PDE9A: variants seen among roughly 807,000 people sequenced by gnomAD.
The protein encoded by PDE9A is high affinity cGMP-specific 3',5'-cyclic phosphodiesterase 9A.
PDE9A carries 60 observed loss-of-function variants against 87.4 expected under a neutral mutation model. The observed-to-expected ratio is 0.69, with a 90% confidence interval of 0.56 to 0.85. The LOEUF (loss-of-function observed/expected upper bound fraction) is 0.85, where lower values mean the gene tolerates loss of function less well. Among genes scored for constraint, PDE9A ranks in the 40% least tolerant of loss-of-function variants. PDE9A has a pLI of 0.00. For synonymous variants in PDE9A, 272 were observed against 279.4 expected (o/e 0.97, Z 0.27); for missense variants, 665 against 779.0 (o/e 0.85, Z 1.74).
chr21:42,730,461 C>T (rs569779334), intron 4 of PDE9A, among the ~76,000 whole-genome samples: 3 of 151,320 alleles, frequency 2.0e-5, no homozygotes, highest in Non-Finnish European at 2.9e-5. Flanking sequence ...AATTAATATA[C>T]GTTAATTATA....
At chr21:42,698,871 C>T (rs1222885810) in intron 3 of PDE9A, 97 bp from the exon 4 acceptor site, 4 of 691,876 alleles carry the variant, frequency 5.8e-6, no homozygotes, top group African/African-American at 3.7e-5. Flanking sequence ...CCACCTAATC[C>T]GCTGATTTCT....
At chr21:42,682,599 C>T (rs546753953) in intron 1 of PDE9A, among the ~76,000 whole-genome samples, 4 of 152,324 alleles carry the variant, frequency 2.6e-5, no homozygotes, top group East Asian at 1.9e-4. Flanking sequence ...CAGATTTCAC[C>T]GGCAGTACTT....
rs759156205 is a variant in PDE9A, at chr21:42,759,566, T to TG, written c.897+486dup. The stretch of plus-strand genomic sequence containing the variant: ...TGAGTGTGGGGTGTGGGTGTGAGCA[T>TG]GGGGGTATCTGAGTTTACGGGTGGG... On this transcript the variant is annotated intron_variant, in intron 11 of 19. Transcript: ENST00000291539. This position sits in a 1 kb window ranked among gnomAD's most constrained non-coding sequence, Gnocchi z 7.2. Among the ~76,000 whole-genome samples the TG allele has an allele frequency of 6.8e-6, 1 of 147,200 alleles. No individual in the cohort carries two copies. The highest frequency in any genetic ancestry group is 2.2e-4 in the South Asian group (1 of 4,604).
At chr21:42,667,129 C>T (rs2269135) in intron 1 of PDE9A, among the ~76,000 whole-genome samples, 11,021 of 152,170 alleles carry the variant, frequency 0.072, 728 homozygotes, top group East Asian at 0.31. Context: ...GCTGGCGAAA[C>T]AGCAAACAAC....
intron 1 of PDE9A, among the ~76,000 whole-genome samples, chr21:42,661,948 G>A (rs1200561304): frequency 6.6e-6 from 1 of 152,104 alleles, no homozygotes; most frequent in Non-Finnish European, 1.5e-5. Context: ...GGTGGAGAGC[G>A]CAGATGGGGC....
chr21:42,693,657 A>G (rs1207301975), intron 3 of PDE9A, among the ~76,000 whole-genome samples: 1 of 136,238 alleles, frequency 7.3e-6, no homozygotes, highest in Non-Finnish European at 1.5e-5. Context: ...CAATGGTGTG[A>G]TCTCAGCTCA....
intron 15 of PDE9A, among the ~76,000 whole-genome samples, chr21:42,766,549 G>A (rs964867695): frequency 6.6e-6 from 1 of 152,180 alleles, no homozygotes; most frequent in African/African-American, 2.4e-5. Context: ...AGTCCCAGTA[G>A]GTAGAGTCAT....
rs953375097 is a variant in PDE9A at position 42,675,120 on chromosome 21, AGT to A, written c.70-11065_70-11064del. On this transcript the variant is annotated intron_variant, in intron 1 of 19. Transcript: ENST00000291539. The surrounding 1 kb of genome is among the most constrained non-coding windows in gnomAD (Gnocchi z 4.3). ...GTTTAGGAGTGTGTAAGTGCGTGTA[AGT>A]GTGTGTCTGGCTTTCTTTCACATAA... Among the ~76,000 whole-genome samples, 1 of 152,186 alleles carries A rather than the reference AGT, an allele frequency of 6.6e-6. No individual in the cohort carries two copies. Among genetic ancestry groups the A allele is most frequent in the South Asian group, 2.1e-4 (1 of 4,834 alleles).
intron 1 of PDE9A, among the ~76,000 whole-genome samples, chr21:42,677,375 G>C (rs2058905104): frequency 6.6e-6 from 1 of 152,284 alleles, no homozygotes; most frequent in Middle Eastern, 3.4e-3. Context: ...GTTTTTTAAT[G>C]ATTTTGAAAG....
intron 1 of PDE9A, among the ~76,000 whole-genome samples, chr21:42,663,714 G>A (rs377507261): frequency 1.2e-4 from 18 of 152,278 alleles, no homozygotes; most frequent in African/African-American, 4.3e-4. Flanking sequence ...GACCAGCACT[G>A]TGTGACCAGC....
At chr21:42,720,777 G>T (rs1822920859) in intron 4 of PDE9A, among the ~76,000 whole-genome samples, 1 of 152,008 alleles carries the variant, frequency 6.6e-6, no homozygotes, top group South Asian at 2.1e-4. Context: ...AGGCCGAGGT[G>T]GGCGGATCAC....
rs375626555 is a variant in PDE9A at position 42,658,238 on chromosome 21, A to G, written c.69+4355A>G. On this transcript the variant is annotated intron_variant, in intron 1 of 19. Transcript: ENST00000291539. ...CCCCAGAGCTGTGCCTTTTTGGCTC[A>G]GGTCCTCCCCGCAGTGCTTGGAGTC... Among the ~76,000 whole-genome samples, 129 of 152,276 alleles carry G rather than the reference A, an allele frequency of 8.5e-4. 1 individual carries two copies. The highest frequency in any genetic ancestry group is 5.4e-3 in the South Asian group (26 of 4,826).
chr21:42,773,030 G>T (rs2057155950), intron 19 of PDE9A, among the ~76,000 whole-genome samples: 1 of 151,468 alleles, frequency 6.6e-6, no homozygotes, highest in Non-Finnish European at 1.5e-5. Context: ...GGAGGCCAAG[G>T]TGGGCGGATC....
Position 42,686,272 on chromosome 21 carries a change from C to T in PDE9A, c.140+10C>T, listed in dbSNP as rs748972186. The T allele has an allele frequency of 1.9e-5, 31 of 1,610,544 alleles. No individual in the cohort carries two copies. Among genetic ancestry groups the T allele is most frequent in the Non-Finnish European group, 2.6e-5 (31 of 1,176,940 alleles). ...CCACCGGCCTGCCTCGGTGAGTGCGCGCTGCGGGCTCTGCCCGGTGACGCC... is the reference window on the plus strand; with the variant it reads ...CCACCGGCCTGCCTCGGTGAGTGCGTGCTGCGGGCTCTGCCCGGTGACGCC... On this transcript the variant is annotated intron_variant, in intron 2 of 19. Transcript: ENST00000291539.
chr21:42,697,326 C>T (rs2060195793), intron 3 of PDE9A: 2 of 771,694 alleles, frequency 2.6e-6, no homozygotes, highest in Non-Finnish European at 4.6e-6. Context: ...TTACCTGTAA[C>T]CATCAAACCA....
At position 42,692,405 on chromosome 21, in the gene PDE9A, G is replaced by A. The variant is rs146633484; in HGVS notation, c.218+4411G>A. Among the ~76,000 whole-genome samples the A allele has an allele frequency of 9.1e-4, 139 of 152,306 alleles. 2 individuals are homozygous for A. In the East Asian group the frequency reaches 0.023, roughly 26 times the overall value. ...GCCCACAACAATGACACACGTGGCCGGAGACATCAGCGGTGCTGAGGCGGA... is the reference window on the plus strand; with the variant it reads ...GCCCACAACAATGACACACGTGGCCAGAGACATCAGCGGTGCTGAGGCGGA... On this transcript the variant is annotated intron_variant, in intron 3 of 19. Transcript: ENST00000291539. The surrounding 1 kb of genome is among the most constrained non-coding windows in gnomAD (Gnocchi z 4.3).
intron 1 of PDE9A, among the ~76,000 whole-genome samples, chr21:42,670,140 T>C (rs914162970): frequency 6.0e-5 from 9 of 149,270 alleles, no homozygotes; most frequent in African/African-American, 1.2e-4. Flanking sequence ...CACACATGCT[T>C]ACACACACAT....
intron 4 of PDE9A, among the ~76,000 whole-genome samples, chr21:42,726,616 A>ATTTTTTTT (rs1569207357): frequency 4.3e-5 from 1 of 23,164 alleles, no homozygotes; most frequent in East Asian, 2.0e-3. Flanking sequence ...ATATATATAT[A>ATTTTTTTT]TATATATATT....
At chr21:42,713,216 C>A (rs1375754641) in intron 4 of PDE9A, among the ~76,000 whole-genome samples, 4 of 152,124 alleles carry the variant, frequency 2.6e-5, no homozygotes, top group African/African-American at 9.7e-5. Flanking sequence ...CTCACTGCAA[C>A]CTCCGCCTCC....
Sources: gnomAD v4.1 joint callset for allele counts (sites outside exome capture counted in the v4.1 genomes callset) on GRCh38, gnomAD v4.1.1 for gene constraint, Gnocchi (gnomAD v3.1) non-coding constraint, MANE v1.5 for transcripts, NCBI Gene and HGNC (gene_info 2026-07-23, HGNC 2026-07-21) for gene names.